Variants in PCNX1 observed in about 807,000 individuals in gnomAD.
The protein encoded by PCNX1 is pecanex 1, also known as pecanex-like protein 1.
A neutral mutation model predicts 242.2 loss-of-function variants in PCNX1; 78 were observed. The ratio of observed to expected loss-of-function variants is 0.32; its 90% CI spans 0.27 to 0.39. The LOEUF (loss-of-function observed/expected upper bound fraction) is 0.39, where lower values mean the gene tolerates loss of function less well. PCNX1 is among the 10% of genes least tolerant of loss of function. The pLI is 1.00. For synonymous variants in PCNX1, 1,024 were observed against 1,032.9 expected (o/e 0.99, Z 0.17); for missense variants, 2,581 against 2,856.5 (o/e 0.90, Z 2.20).
rs770818886 is a variant in PCNX1 at position 71,076,181 on chromosome 14, C to G, written c.5107-8C>G. 1 of 1,467,022 alleles carries G rather than the reference C, an allele frequency of 6.8e-7. No homozygotes were observed. Among genetic ancestry groups the G allele is most frequent in the Admixed American group, 1.8e-5 (1 of 54,570 alleles). 90.9% of individuals were successfully genotyped at this position (1,467,022 alleles called of 1,614,324 possible). On this transcript the variant is annotated splice_region_variant and splice_polypyrimidine_tract_variant and intron_variant, in intron 27 of 35. Transcript: ENST00000304743. The stretch of plus-strand genomic sequence containing the variant: ...TGAATTCTTTTTTTTTTGTCTTGTT[C>G]ATGTTAGGGTATCATTTATTATGTT...
At position 70,939,512 on chromosome 14, in the gene PCNX1, T is replaced by G. The variant is rs143806629; in HGVS notation, c.154-7403T>G. Among the ~76,000 whole-genome samples, 1,479 of 152,334 alleles carry G rather than the reference T, an allele frequency of 9.7e-3. 22 individuals are homozygous for G. Among genetic ancestry groups the G allele is most frequent in the African/African-American group, 0.033 (1,367 of 41,570 alleles). Reference sequence around the variant, plus strand: ...GTCTGAGAGACAGTTTGTTATAACTTCTGTTGTTTTACATTTGCTGAGGAG... The same window carrying G: ...GTCTGAGAGACAGTTTGTTATAACTGCTGTTGTTTTACATTTGCTGAGGAG... On this transcript the variant is annotated intron_variant, in intron 1 of 35. Transcript: ENST00000304743.
Position 71,103,381 on chromosome 14 carries a change from G to T in PCNX1, c.5821-14G>T. ...TGGCCCCTTAACCTAATTCCCTTGT[G>T]TTCTGGTTTTCAGGTGAATAAGGAA... is the stretch of plus-strand genomic sequence containing the variant. On this transcript the variant is annotated splice_polypyrimidine_tract_variant and intron_variant, in intron 31 of 35. Coordinates refer to ENST00000304743, the MANE Select transcript of PCNX1 (RefSeq NM_014982.3). 6.2e-7 allele frequency: 1 copy of T among 1,613,024 alleles called. No homozygotes were observed. The highest frequency in any genetic ancestry group is 8.5e-7 in the Non-Finnish European group (1 of 1,179,188).
At chr14:71,030,697 G>A (rs1448486744) in intron 16 of PCNX1, among the ~76,000 whole-genome samples, 1 of 152,082 alleles carries the variant, frequency 6.6e-6, no homozygotes, top group African/African-American at 2.4e-5. Flanking sequence ...AATCTAGAAT[G>A]CATTTTGGTT....
chr14:71,053,729 T>C (rs548641438), intron 24 of PCNX1, among the ~76,000 whole-genome samples: 1 of 152,370 alleles, frequency 6.6e-6, no homozygotes, highest in East Asian at 1.9e-4. Flanking sequence ...GTTTACTTAT[T>C]AACTAATTTA....
At chr14:70,975,294 A>G (rs917166109) in intron 5 of PCNX1, among the ~76,000 whole-genome samples, 1 of 152,068 alleles carries the variant, frequency 6.6e-6, no homozygotes, top group African/African-American at 2.4e-5. Context: ...TTTAGAAGAT[A>G]TAAGAACGCA....
At chr14:71,087,137 T>C (rs931885465) in intron 28 of PCNX1, among the ~76,000 whole-genome samples, 1 of 152,202 alleles carries the variant, frequency 6.6e-6, no homozygotes, top group African/African-American at 2.4e-5. Context: ...TTTTTCTTTA[T>C]ACAACTTCAA....
chr14:71,024,235 T>G (rs892425445), intron 13 of PCNX1, among the ~76,000 whole-genome samples: 1 of 152,168 alleles, frequency 6.6e-6, no homozygotes, highest in Non-Finnish European at 1.5e-5. Context: ...TTCCTTTATG[T>G]TAGTTAATTC....
chr14:70,925,063 A>G (rs556533978), intron 1 of PCNX1, among the ~76,000 whole-genome samples: 41 of 151,592 alleles, frequency 2.7e-4, no homozygotes, highest in African/African-American at 9.2e-4. Flanking sequence ...ATCTCAGCTC[A>G]CTGCAACCTC....
chr14:71,096,988 C>G (rs2062305194), intron 30 of PCNX1, among the ~76,000 whole-genome samples: 1 of 152,082 alleles, frequency 6.6e-6, no homozygotes, highest in South Asian at 2.1e-4. Flanking sequence ...GGATGTACCT[C>G]CCTCCTCCTC....
At chr14:70,966,324 T>C (rs879069408) in intron 3 of PCNX1, among the ~76,000 whole-genome samples, 1 of 152,212 alleles carries the variant, frequency 6.6e-6, no homozygotes, top group Non-Finnish European at 1.5e-5. Context: ...TGGAGGTGAT[T>C]GTGTGGCATT....
chr14:71,047,546 C>T (rs2141128449), intron 21 of PCNX1, among the ~76,000 whole-genome samples: 1 of 152,136 alleles, frequency 6.6e-6, no homozygotes, highest in Non-Finnish European at 1.5e-5. Flanking sequence ...ACTAGAGAAT[C>T]AGATGTCAGA....
At chr14:71,023,392 A>G (rs1319449586) in intron 13 of PCNX1, among the ~76,000 whole-genome samples, 160 bp downstream of exon 13, 1 of 152,220 alleles carries the variant, frequency 6.6e-6, no homozygotes, top group Admixed American at 6.5e-5. Flanking sequence ...ACTACTAGAA[A>G]TATAGGTGTT....
At chr14:71,104,668 C>T (rs530337753) in intron 32 of PCNX1, among the ~76,000 whole-genome samples, 2 of 152,276 alleles carry the variant, frequency 1.3e-5, no homozygotes, top group South Asian at 4.1e-4. Flanking sequence ...GTGGCTCACA[C>T]TGGGTAATCC....
chr14:71,103,625 C>T lies in PCNX1; in HGVS notation c.6051C>T (p.Ile2017=). The T allele has an allele frequency of 6.2e-7, 1 of 1,614,112 alleles. No homozygotes were observed. The highest frequency in any genetic ancestry group is 1.7e-5 in the Admixed American group (1 of 60,016). ...TTAAAGACATTCTTGGGGGTCCTAT[C>T]AGCTTGGGAAATATCAGGAACTTCA... ...EQLKDILGGP[I]SLGNIRNFIV... Residue 2017 remains isoleucine (I), a synonymous_variant, in exon 32 of 36, where the codon ATC becomes ATT. Coordinates refer to ENST00000304743, the MANE Select transcript of PCNX1 (RefSeq NM_014982.3).
chr14:70,935,662 TTCTG>T (rs1183377901), intron 1 of PCNX1, among the ~76,000 whole-genome samples: 1 of 152,244 alleles, frequency 6.6e-6, no homozygotes, highest in East Asian at 1.9e-4. Flanking sequence ...GTTGTTGCCT[TTCTG>T]TCCACTTAAT....
chr14:71,073,865 GTA>G (rs890335051), intron 27 of PCNX1, 67 bp downstream of exon 27: 15 of 1,138,198 alleles, frequency 1.3e-5, no homozygotes, highest in Admixed American at 5.1e-5. Flanking sequence ...ACATATATAA[GTA>G]TATATATATG....
chr14:71,003,170 G>T (rs1366290383), intron 8 of PCNX1, among the ~76,000 whole-genome samples: 1 of 139,924 alleles, frequency 7.1e-6, no homozygotes, highest in Non-Finnish European at 1.5e-5. Flanking sequence ...TGCTACCTCT[G>T]CCTCCTGGGT....
chr14:71,075,516 C>T (rs1360990554), intron 27 of PCNX1, among the ~76,000 whole-genome samples: 1 of 152,072 alleles, frequency 6.6e-6, no homozygotes, highest in East Asian at 1.9e-4. Flanking sequence ...CTTAATAACT[C>T]TCTATGAGAA....
intron 15 of PCNX1, among the ~76,000 whole-genome samples, chr14:71,027,409 G>A (rs1239883445): frequency 6.6e-6 from 1 of 151,872 alleles, no homozygotes; most frequent in African/African-American, 2.4e-5. Flanking sequence ...GCTATGAATT[G>A]ATACACTTAG....
Sources: allele counts gnomAD v4.1 joint callset (sites outside exome capture counted in the v4.1 genomes callset), GRCh38; gene constraint gnomAD v4.1.1; transcripts MANE v1.5; gene names NCBI Gene and HGNC (gene_info 2026-07-23, HGNC 2026-07-21).